The following ATF7IP2 variants were observed in gnomAD, a reference collection of about 807,000 sequenced individuals.
ATF7IP2 encodes activating transcription factor 7-interacting protein 2.
ATF7IP2 carries 42 observed loss-of-function variants against 64.2 expected under a neutral mutation model. The ratio of observed to expected loss-of-function variants is 0.65; its 90% CI spans 0.51 to 0.85. ATF7IP2 has a LOEUF of 0.85. ATF7IP2 is among the 40% of genes least tolerant of loss of function. ATF7IP2 has a pLI of 0.00. For missense variants in ATF7IP2, 933 were observed against 784.2 expected (o/e 1.19, Z -2.27); for synonymous variants, 308 against 272.8 (o/e 1.13, Z -1.27).
At chr16:10,440,911 C>T (rs1001437866) in intron 8 of ATF7IP2, among the ~76,000 whole-genome samples, 1 of 152,116 alleles carries the variant, frequency 6.6e-6, no homozygotes, top group African/African-American at 2.4e-5. Flanking sequence ...GCCTCCCCAC[C>T]CCCTGACAGG....
At chr16:10,481,616 CAT>C (rs971394312) in intron 13 of ATF7IP2, among the ~76,000 whole-genome samples, 2 of 152,166 alleles carry the variant, frequency 1.3e-5, no homozygotes, top group African/African-American at 2.4e-5. Flanking sequence ...ATTTATCCCA[CAT>C]GTCTGGAACC....
chr16:10,386,314 T>A (rs1250265206), intron 1 of ATF7IP2, 192 bp downstream of exon 1: 1 of 152,278 alleles, frequency 6.6e-6, no homozygotes, highest in African/African-American at 2.4e-5. Context: ...AAGAGGCCCC[T>A]GAGGGGCGGA....
At chr16:10,396,828 A>T (rs1035310592) in intron 1 of ATF7IP2, among the ~76,000 whole-genome samples, 10 of 148,264 alleles carry the variant, frequency 6.7e-5, no homozygotes, top group South Asian at 4.3e-4. Flanking sequence ...TAAAAAAAAA[A>T]TTTTTTTTTT....
At chr16:10,469,671 A>G (rs915866979) in intron 9 of ATF7IP2, among the ~76,000 whole-genome samples, 1 of 152,170 alleles carries the variant, frequency 6.6e-6, no homozygotes, top group African/African-American at 2.4e-5. Context: ...GCTACTCGGG[A>G]GGCTGAGGCA....
chr16:10,392,073 T>TG (rs368847037), intron 1 of ATF7IP2, among the ~76,000 whole-genome samples: 1 of 149,930 alleles, frequency 6.7e-6, no homozygotes, highest in African/African-American at 2.5e-5. Flanking sequence ...TTTTTTTTTT[T>TG]GACGGATTTT....
chr16:10,464,361 T>C (rs998781783), intron 9 of ATF7IP2, among the ~76,000 whole-genome samples: 5 of 152,198 alleles, frequency 3.3e-5, no homozygotes, highest in Non-Finnish European at 5.9e-5. Flanking sequence ...GATTTTATAA[T>C]TGTTTTTTCT....
intron 9 of ATF7IP2, 155 bp downstream of exon 9, chr16:10,457,684 TG>T (rs113559501): frequency 8.6e-4 from 508 of 588,542 alleles, no homozygotes; most frequent in African/African-American, 7.5e-3. Flanking sequence ...ACTTCAGTTG[TG>T]GGGGTTTTTT....
At chr16:10,402,440 C>T (rs975468703) in intron 1 of ATF7IP2, among the ~76,000 whole-genome samples, 5 of 152,014 alleles carry the variant, frequency 3.3e-5, no homozygotes, top group Non-Finnish European at 7.4e-5. Context: ...TGAGAAGATA[C>T]TTGATATGAT....
chr16:10,396,194 C>G (rs769434511), intron 1 of ATF7IP2, among the ~76,000 whole-genome samples: 5 of 152,076 alleles, frequency 3.3e-5, no homozygotes, highest in Non-Finnish European at 7.4e-5. Context: ...ACTCTGAAAA[C>G]TGCAGAATGT....
chr16:10,430,815 C>T lies in ATF7IP2; in HGVS notation c.195C>T (p.Thr65=), dbSNP rs1372544034. ...PSVITRTTEI[T]KCSPSENGAS... ...TCATAACTAGGACGACTGAAATAACCAAATGTAGCCCTTCTGAAAATGGTG... is the reference window on the plus strand; with the variant it reads ...TCATAACTAGGACGACTGAAATAACTAAATGTAGCCCTTCTGAAAATGGTG... Residue 65 remains threonine, a synonymous_variant, in exon 5 of 14, where the codon ACC becomes ACT. Transcript: ENST00000562102. 6.8e-6 allele frequency: 11 copies of T among 1,613,714 alleles called. No individual in the cohort carries two copies. Among genetic ancestry groups the T allele is most frequent in the Admixed American group, 1.7e-5 (1 of 59,982 alleles).
At chr16:10,440,739 G>A (rs1253947350) in intron 8 of ATF7IP2, among the ~76,000 whole-genome samples, 2 of 152,120 alleles carry the variant, frequency 1.3e-5, no homozygotes, top group Non-Finnish European at 2.9e-5. Flanking sequence ...AATATATACA[G>A]CAAAGTTGAA....
At chr16:10,429,398 T>G (rs1385548259) in intron 4 of ATF7IP2, among the ~76,000 whole-genome samples, 1 of 152,280 alleles carries the variant, frequency 6.6e-6, no homozygotes, top group African/African-American at 2.4e-5. Flanking sequence ...TCATCCAGGC[T>G]GGAGTACAAT....
chr16:10,444,236 A>G (rs1385056596), intron 8 of ATF7IP2, among the ~76,000 whole-genome samples: 2 of 152,310 alleles, frequency 1.3e-5, no homozygotes, highest in East Asian at 3.9e-4. Flanking sequence ...TAGACAGGTT[A>G]AGTTTTTTTG....
intron 3 of ATF7IP2, among the ~76,000 whole-genome samples, chr16:10,423,921 G>A (rs529296232): frequency 1.5e-4 from 23 of 152,274 alleles, no homozygotes; most frequent in South Asian, 1.5e-3. Context: ...TCATTGTTCC[G>A]GCACACGCAT....
At chr16:10,390,413 G>A (rs1281462289) in intron 1 of ATF7IP2, among the ~76,000 whole-genome samples, 1 of 152,220 alleles carries the variant, frequency 6.6e-6, no homozygotes, top group Non-Finnish European at 1.5e-5. Context: ...TTATAAGGTA[G>A]AGTTTTTCAA....
At chr16:10,428,775 A>G (rs1363853857) in intron 3 of ATF7IP2, 93 bp from the exon 4 acceptor site, 3 of 152,320 alleles carry the variant, frequency 2.0e-5, no homozygotes, top group South Asian at 4.1e-4. Flanking sequence ...GTTCTCATCA[A>G]TTTCCAGTCA....
chr16:10,440,918 C>T (rs1268478967), intron 8 of ATF7IP2, among the ~76,000 whole-genome samples: 1 of 152,148 alleles, frequency 6.6e-6, no homozygotes, highest in African/African-American at 2.4e-5. Flanking sequence ...CACCCCCTGA[C>T]AGGCCCTGGT....
intron 6 of ATF7IP2, among the ~76,000 whole-genome samples, 169 bp from the exon 7 acceptor site, chr16:10,437,932 C>G (rs2048477054): frequency 6.6e-6 from 1 of 152,004 alleles, no homozygotes; most frequent in Non-Finnish European, 1.5e-5. Flanking sequence ...GTTTAATATT[C>G]AAGTTTTGAA....
intron 8 of ATF7IP2, chr16:10,446,062 T>G (rs1037922480): frequency 6.6e-6 from 1 of 152,248 alleles, no homozygotes; most frequent in African/African-American, 2.4e-5. Context: ...CTTCAAGCCC[T>G]ACTTCTTCAA....
Sources: gnomAD v4.1 joint callset for allele counts (sites outside exome capture counted in the v4.1 genomes callset) on GRCh38, gnomAD v4.1.1 for gene constraint, MANE v1.5 for transcripts, NCBI Gene and HGNC (gene_info 2026-07-23, HGNC 2026-07-21) for gene names.